The following RASEF variants were observed in gnomAD, a reference collection of about 807,000 sequenced individuals.
RASEF encodes RAS and EF-hand domain containing.
RASEF carries 68 observed loss-of-function variants against 90.1 expected under a neutral mutation model. The ratio of observed to expected loss-of-function variants is 0.75; its 90% CI spans 0.62 to 0.92. The LOEUF is 0.92. RASEF is among the 40% of genes least tolerant of loss of function. The pLI is 0.00. For missense variants in RASEF, 949 were observed against 937.2 expected, an observed-to-expected ratio of 1.01 and a Z score of -0.16; for synonymous variants, 331 against 345.2, an observed-to-expected ratio of 0.96 and a Z score of 0.46.
chr9:83,124,179 C>A, the RASEF span, among the ~76,000 whole-genome samples: 3 of 152,324 alleles, frequency 2.0e-5, no homozygotes, highest in South Asian at 6.2e-4. Flanking sequence ...TACCACATTT[C>A]ATTTCTCCAT....
the RASEF span, among the ~76,000 whole-genome samples, chr9:83,194,692 C>T: frequency 2.6e-5 from 4 of 152,142 alleles, no homozygotes; most frequent in African/African-American, 4.8e-5. Context: ...TCTTCTCCCC[C>T]GTTTATTTAA....
chr9:83,041,417 T>C (rs1052290097), intron 1 of RASEF, among the ~76,000 whole-genome samples: 1 of 152,190 alleles, frequency 6.6e-6, no homozygotes, highest in African/African-American at 2.4e-5. Flanking sequence ...AATAACAGTG[T>C]CCCAGTCTGT....
intron 15 of RASEF, among the ~76,000 whole-genome samples, chr9:82,991,927 G>A (rs1828822684): frequency 6.6e-6 from 1 of 152,194 alleles, no homozygotes. Flanking sequence ...CGAGGGCAAG[G>A]ACTGTTTGCT....
At chr9:83,135,655 G>A in the RASEF span, among the ~76,000 whole-genome samples, 4 of 152,162 alleles carry the variant, frequency 2.6e-5, no homozygotes, top group Non-Finnish European at 4.4e-5. Context: ...GTTGAAAATT[G>A]TCTACTGATG....
chr9:83,130,378 CTGCACATA>C, the RASEF span, among the ~76,000 whole-genome samples: 3 of 152,154 alleles, frequency 2.0e-5, no homozygotes, highest in African/African-American at 7.2e-5. Flanking sequence ...CATATCAGAA[CTGCACATA>C]TGTTAAAAGC....
the RASEF span, among the ~76,000 whole-genome samples, chr9:83,177,081 A>G: frequency 1.3e-5 from 2 of 152,056 alleles, no homozygotes; most frequent in African/African-American, 4.8e-5. Context: ...TCTATATGTC[A>G]TAGATTCCAC....
At chr9:83,205,920 TCA>T in the RASEF span, among the ~76,000 whole-genome samples, 1 of 152,228 alleles carries the variant, frequency 6.6e-6, no homozygotes, top group Non-Finnish European at 1.5e-5. Flanking sequence ...ATTCTGAATA[TCA>T]TTTTGGGGGC....
chr9:83,116,469 G>C, the RASEF span, among the ~76,000 whole-genome samples: 1 of 152,044 alleles, frequency 6.6e-6, no homozygotes, highest in South Asian at 2.1e-4. Context: ...CCTTGGTTTA[G>C]GAGACAGGGT....
chr9:83,074,873 G>A, the RASEF span, among the ~76,000 whole-genome samples: 1 of 152,040 alleles, frequency 6.6e-6, no homozygotes, highest in African/African-American at 2.4e-5. Context: ...TTTTACCTCC[G>A]GCACCTCTAA....
the RASEF span, among the ~76,000 whole-genome samples, chr9:83,160,508 G>C: frequency 7.9e-5 from 12 of 152,224 alleles, no homozygotes; most frequent in East Asian, 2.3e-3. Context: ...CATTCAAGAG[G>C]TGGCTTGGGC....
the RASEF span, among the ~76,000 whole-genome samples, chr9:83,133,060 T>C: frequency 6.6e-6 from 1 of 152,198 alleles, no homozygotes; most frequent in Non-Finnish European, 1.5e-5. Flanking sequence ...TTCGATGCAC[T>C]GAAATTTCAT....
chr9:83,062,929 G>C lies in RASEF; in HGVS notation c.-62C>G. The C allele has an allele frequency of 7.3e-7, 1 of 1,367,262 alleles. No individual in the cohort carries two copies. Among genetic ancestry groups the C allele is most frequent in the African/African-American group, 1.5e-5 (1 of 65,184 alleles). The allele number at this position is 1,367,262 out of a possible 1,614,324, so 84.7% of individuals were successfully genotyped here. A position where few individuals can be genotyped will look rare whatever the true frequency, so the allele number is the denominator to read the frequency against. ...GCCGCGGGGCGCAGGGCCCTCCCTG[G>C]AAGGACGGGGCCACCTGCTGCCGCC... On this transcript the variant is annotated 5_prime_UTR_variant, in exon 1 of 17. Coordinates refer to ENST00000376447, the MANE Select transcript of RASEF (RefSeq NM_152573.4).
chr9:83,041,840 C>T (rs1414041348), intron 1 of RASEF, among the ~76,000 whole-genome samples: 2 of 152,176 alleles, frequency 1.3e-5, no homozygotes. Context: ...AGTTGTCCTG[C>T]CACTGGTCCA....
At chr9:83,132,757 T>C in the RASEF span, among the ~76,000 whole-genome samples, 1 of 152,208 alleles carries the variant, frequency 6.6e-6, no homozygotes, top group African/African-American at 2.4e-5. Flanking sequence ...AAGGGATAAC[T>C]TTGGAAAATG....
chr9:83,135,328 C>A, the RASEF span, among the ~76,000 whole-genome samples: 1 of 151,916 alleles, frequency 6.6e-6, no homozygotes, highest in African/African-American at 2.4e-5. Context: ...AGGGGAACAG[C>A]ACACACCGGG....
chr9:83,092,014 T>TTTTTTTTTTTTTTTTTTTTTC, the RASEF span, among the ~76,000 whole-genome samples: 1 of 136,424 alleles, frequency 7.3e-6, no homozygotes, highest in African/African-American at 2.9e-5. Context: ...TTTTTTTTTT[T>TTTTTTTTTTTTTTTTTTTTTC]TTTTTTTTTT....
chr9:82,998,404 C>A lies in RASEF; in HGVS notation c.1766G>T (p.Arg589Leu). 6.2e-7 allele frequency: 1 copy of A among 1,613,242 alleles called. No individual in the cohort carries two copies. Among genetic ancestry groups the A allele is most frequent in the South Asian group, 1.1e-5 (1 of 91,042 alleles). Reference protein sequence around the residue: ...QMKTLIVDGERTVLQLWDTAG... With the variant: ...QMKTLIVDGELTVLQLWDTAG... ...TGTATCCCAGAGCTGCAGAACTGTT[C>A]GTTCTCCATCCACAATGAGGGTTTT... The change falls in exon 13 of 17, where the codon CGA becomes CTA. Residue 589 changes from arginine to leucine, a missense_variant. Around this residue, in one of 3 missense-constraint regions of RASEF, gnomAD observed 288 missense variants for 328.4 expected, o/e 0.88. Transcript: ENST00000376447.
chr9:83,119,042 C>T, the RASEF span, among the ~76,000 whole-genome samples: 3 of 145,666 alleles, frequency 2.1e-5, no homozygotes, highest in Non-Finnish European at 3.0e-5. Context: ...GAGTCTTGCT[C>T]TGTTACCCAA....
chr9:83,093,676 C>A, the RASEF span, among the ~76,000 whole-genome samples: 1 of 152,188 alleles, frequency 6.6e-6, no homozygotes, highest in African/African-American at 2.4e-5. Context: ...CCGGTTCCCG[C>A]TCGCGCCTCT....
Sources: allele counts gnomAD v4.1 joint callset (sites outside exome capture counted in the v4.1 genomes callset), GRCh38; gene constraint gnomAD v4.1.1; regional missense constraint gnomAD v4.1.1; transcripts MANE v1.5; gene names NCBI Gene and HGNC (gene_info 2026-07-23, HGNC 2026-07-21).